ACSM2B: variants seen among roughly 807,000 people sequenced by gnomAD.
The protein encoded by ACSM2B is acyl-CoA synthetase medium chain family member 2B, also known as acyl-coenzyme A synthetase ACSM2B, mitochondrial.
A neutral mutation model predicts 78.6 loss-of-function variants in ACSM2B; 58 were observed. That is an observed-to-expected ratio of 0.74 (90% confidence interval 0.60 to 0.92). The LOEUF is 0.92. Among genes scored for constraint, ACSM2B ranks in the 40% least tolerant of loss-of-function variants. The pLI is 0.00. For synonymous variants in ACSM2B, 257 were observed against 256.8 expected (o/e 1.00, Z -0.01); for missense variants, 688 against 711.2 (o/e 0.97, Z 0.37).
chr16:20,569,315 TAG>T (rs1222236616), intron 1 of ACSM2B, among the ~76,000 whole-genome samples: 1 of 152,024 alleles, frequency 6.6e-6, no homozygotes, highest in Non-Finnish European at 1.5e-5. Flanking sequence ...ATTTGTTGAA[TAG>T]AGTGTCCTTT....
chr16:20,543,760 A>C lies in ACSM2B; in HGVS notation c.1282-498T>G, dbSNP rs922744610. On this transcript the variant is annotated intron_variant, in intron 10 of 13. Coordinates refer to ENST00000329697, the MANE Select transcript of ACSM2B (RefSeq NM_001105069.2). ...CTCTATTCAGCTGAGGCACTTGCTT[A>C]TAAGTAATGAAAAGGCTTGAGCTTT... 2.6e-5 allele frequency among the ~76,000 whole-genome samples: 4 copies of C among 152,238 alleles called. No individual in the cohort carries two copies. The East Asian group carries it at 7.7e-4, about 29-fold the overall frequency.
In ACSM2B at chr16:20,540,744, C is replaced by T. The variant is rs79073602; in HGVS notation, c.1539G>A (p.Ser513=). ...GTTCTGGGTCATGGGATAGGAACTGCGAGGCCAGGATCACAAATGCCTTCA... is the reference window on the plus strand; with the variant it reads ...GTTCTGGGTCATGGGATAGGAACTGTGAGGCCAGGATCACAAATGCCTTCA... ...EVVKAFVILA[S]QFLSHDPEQL... The change falls in exon 13 of 14, where the codon TCG becomes TCA. Residue 513 remains serine (S), a synonymous_variant. Coordinates refer to ENST00000329697, the MANE Select transcript of ACSM2B (RefSeq NM_001105069.2). 1,491 of 1,613,908 alleles carry T rather than the reference C, an allele frequency of 9.2e-4. 12 individuals carry two copies. The African/African-American group carries it at 0.016, about 17-fold the overall frequency.
chr16:20,572,243 T>C (rs1051393920), intron 1 of ACSM2B, among the ~76,000 whole-genome samples: 1 of 148,636 alleles, frequency 6.7e-6, no homozygotes, highest in Non-Finnish European at 1.5e-5. Context: ...TTAAAGCTCC[T>C]TTTAGCAGTT....
In ACSM2B at chr16:20,559,231, A is replaced by G. The variant is rs748713260; in HGVS notation, c.388+6T>C. ...CAGTTCTCTGTCCAGGTAGTCAGTT[A>G]CCAACCTGCTCGAATGCAGCCCAGG... On this transcript the variant is annotated splice_donor_region_variant and intron_variant, in intron 3 of 13. Coordinates refer to ENST00000329697, the MANE Select transcript of ACSM2B (RefSeq NM_001105069.2). 6.2e-6 allele frequency: 10 copies of G among 1,601,616 alleles called. No homozygotes were observed. The East Asian group carries it at 1.8e-4, about 29-fold the overall frequency.
chr16:20,566,250 TATATATATATATATATATA>T, intron 1 of ACSM2B, among the ~76,000 whole-genome samples: 1 of 42,330 alleles, frequency 2.4e-5, no homozygotes, highest in East Asian at 2.2e-3. Context: ...TGGAAGATTA[TATATATATATATATATATA>T]TATATATATA....
Position 20,540,724 on chromosome 16 carries a change from G to A in ACSM2B, c.1559C>T (p.Pro520Leu). The A allele has an allele frequency of 6.2e-7, 1 of 1,614,080 alleles. No homozygotes were observed. Among genetic ancestry groups the A allele is most frequent in the Non-Finnish European group, 8.5e-7 (1 of 1,180,000 alleles). Reference sequence around the variant, plus strand: ...CTGCAGCTCCTTGGTGAGCTGTTCTGGGTCATGGGATAGGAACTGCGAGGC... The same window carrying A: ...CTGCAGCTCCTTGGTGAGCTGTTCTAGGTCATGGGATAGGAACTGCGAGGC... Reference protein sequence around the residue: ...ILASQFLSHDPEQLTKELQQH... With the variant: ...ILASQFLSHDLEQLTKELQQH... The change falls in exon 13 of 14, where the codon CCA becomes CTA. Residue 520 changes from proline to leucine, a missense_variant. By Grantham distance (98) the Pro-to-Leu change is moderately conservative. Transcript: ENST00000329697.
chr16:20,552,062 A>AT, intron 6 of ACSM2B, 82 bp downstream of exon 6: 2 of 1,524,448 alleles, frequency 1.3e-6, no homozygotes, highest in Non-Finnish European at 1.8e-6. Context: ...AATTAGATGA[A>AT]TTGAAACAAA....
At chr16:20,565,762 T>A (rs1213068366) in intron 1 of ACSM2B, among the ~76,000 whole-genome samples, 2 of 152,056 alleles carry the variant, frequency 1.3e-5, no homozygotes, top group African/African-American at 4.8e-5. Flanking sequence ...ACTTACAGTA[T>A]ACACTTAACA....
At chr16:20,566,642 ATACTATACTATATATAT>A (rs1282200944) in intron 1 of ACSM2B, among the ~76,000 whole-genome samples, 3 of 24,786 alleles carry the variant, frequency 1.2e-4, no homozygotes, top group African/African-American at 8.0e-4. Context: ...TAGTATATAT[ATACTATACTATATATAT>A]GTATATATAG....
Position 20,546,439 on chromosome 16 carries a change from G to C in ACSM2B, c.1134C>G (p.Ile378Met). The change falls in exon 9 of 14, where the codon ATC becomes ATG. Residue 378 changes from isoleucine to methionine, a missense_variant. Coordinates refer to ENST00000329697, the MANE Select transcript of ACSM2B (RefSeq NM_001105069.2). ...LTCMVSKTMK[I>M]KPGYMGTAAS... ...CAGCCGTTCCCATGTATCCTGGTTT[G>C]ATTTTCATTGTCTTGGAAACCATGC... 1 of 1,609,502 alleles carries C rather than the reference G, an allele frequency of 6.2e-7. No homozygotes were observed. The highest frequency in any genetic ancestry group is 8.5e-7 in the Non-Finnish European group (1 of 1,176,934).
At chr16:20,539,043 G>A (rs563410498) in intron 13 of ACSM2B, among the ~76,000 whole-genome samples, 2 of 151,976 alleles carry the variant, frequency 1.3e-5, no homozygotes, top group African/African-American at 4.8e-5. Flanking sequence ...ACCTGTGACC[G>A]TAAAGACCCC....
At chr16:20,575,194 T>A (rs1335082504) in intron 1 of ACSM2B, among the ~76,000 whole-genome samples, 1 of 151,372 alleles carries the variant, frequency 6.6e-6, no homozygotes, top group East Asian at 1.9e-4. Context: ...CTTAATATTC[T>A]TTTCCTCTAG....
At chr16:20,554,758 C>T (rs542913194) in intron 4 of ACSM2B, among the ~76,000 whole-genome samples, 4 of 152,328 alleles carry the variant, frequency 2.6e-5, no homozygotes, top group African/African-American at 7.2e-5. Flanking sequence ...ATGACCTTGG[C>T]CTCACCCCTG....
chr16:20,560,568 C>T (rs1434749773), intron 2 of ACSM2B, among the ~76,000 whole-genome samples: 1 of 151,998 alleles, frequency 6.6e-6, no homozygotes, highest in African/African-American at 2.4e-5. Context: ...GAACTTTGGG[C>T]CAATTAAATC....
chr16:20,538,870 C>T (rs1392227546), intron 13 of ACSM2B, among the ~76,000 whole-genome samples: 1 of 152,148 alleles, frequency 6.6e-6, no homozygotes, highest in Non-Finnish European at 1.5e-5. Context: ...TCAGAGGCTG[C>T]AAGTCCATGT....
At chr16:20,575,593 G>T (rs1424304600) in intron 1 of ACSM2B, 1 of 150,796 alleles carries the variant, frequency 6.6e-6, no homozygotes, top group African/African-American at 2.4e-5. Context: ...ATATTTTTCT[G>T]CCTCCTTATA....
At chr16:20,569,620 G>T (rs1596739716) in intron 1 of ACSM2B, among the ~76,000 whole-genome samples, 3 of 151,644 alleles carry the variant, frequency 2.0e-5, no homozygotes, top group Non-Finnish European at 4.4e-5. Flanking sequence ...AATGATGGTG[G>T]TATTTTGATG....
At chr16:20,548,503 G>T (rs368782954) in intron 6 of ACSM2B, 30 bp from the exon 7 acceptor site, 246 of 1,613,200 alleles carry the variant, frequency 1.5e-4, no homozygotes, top group Non-Finnish European at 2.0e-4. Flanking sequence ...TGAGACATTG[G>T]TCACCAGGTC....
chr16:20,567,408 A>G (rs2152147170), intron 1 of ACSM2B, among the ~76,000 whole-genome samples: 1 of 119,100 alleles, frequency 8.4e-6, no homozygotes, highest in East Asian at 2.1e-4. Context: ...AATATATTAT[A>G]TAATATATAA....
Sources: allele counts gnomAD v4.1 joint callset (sites outside exome capture counted in the v4.1 genomes callset), GRCh38; gene constraint gnomAD v4.1.1; transcripts MANE v1.5; gene names NCBI Gene and HGNC (gene_info 2026-07-23, HGNC 2026-07-21).